Variants in IL1RAPL2 observed in about 807,000 individuals in gnomAD.
IL1RAPL2 encodes the protein interleukin 1 receptor accessory protein like 2, also known as X-linked interleukin-1 receptor accessory protein-like 2.
In IL1RAPL2, 3 loss-of-function variants were observed where a neutral mutation model predicts 44.1. The ratio of observed to expected loss-of-function variants is 0.07; its 90% CI spans 0.03 to 0.18. IL1RAPL2 has a LOEUF of 0.18. IL1RAPL2 is among the 10% of genes least tolerant of loss of function. The pLI, the probability that IL1RAPL2 is intolerant of heterozygous loss-of-function variation, is 1.00. For missense variants in IL1RAPL2, 391 were observed against 496.4 expected (o/e 0.79, Z 2.02); for synonymous variants, 181 against 178.8 (o/e 1.01, Z -0.10).
chrX:105,590,733 T>A (rs894264142), intron 6 of IL1RAPL2, among the ~76,000 whole-genome samples: 1 of 111,038 alleles, frequency 9.0e-6, no homozygotes, highest in African/African-American at 3.3e-5. Context: ...GATTAGATTT[T>A]TCATGTGCTA....
At chrX:104,974,966 T>A (rs1464052568) in intron 2 of IL1RAPL2, among the ~76,000 whole-genome samples, 5 of 112,376 alleles carry the variant, frequency 4.4e-5, no homozygotes, top group Non-Finnish European at 9.4e-5. Flanking sequence ...TTCCAGCCGC[T>A]GATCTTGCGA....
intron 2 of IL1RAPL2, among the ~76,000 whole-genome samples, chrX:104,951,402 T>G (rs1250582849): frequency 1.8e-5 from 2 of 112,092 alleles, no homozygotes; most frequent in East Asian, 5.6e-4. Context: ...ACCTAAAATT[T>G]TGAGATTCTA....
At position 105,767,733 on chromosome X, in the gene IL1RAPL2, C is replaced by A; in HGVS notation, c.*72C>A. The A allele has an allele frequency of 2.7e-6, 2 of 739,916 alleles. No individual in the cohort carries two copies. 61.0% of individuals were successfully genotyped at this position (739,916 alleles called of 1,213,427 possible). On this transcript the variant is annotated 3_prime_UTR_variant, in exon 11 of 11. Transcript: ENST00000372582. ...TCTGTTATACCAAGCATAAAGTACA[C>A]CTAATAACGTTGTGTTAAAAAAGTG...
chrX:105,390,974 C>CTTTACA (rs1332584860), intron 5 of IL1RAPL2, among the ~76,000 whole-genome samples: 1 of 111,607 alleles, frequency 9.0e-6, no homozygotes, highest in Admixed American at 9.6e-5. Flanking sequence ...CACAATGATG[C>CTTTACA]TTTACATTAT....
intron 2 of IL1RAPL2, among the ~76,000 whole-genome samples, chrX:104,675,478 T>C (rs1356195311): frequency 7.2e-5 from 8 of 111,597 alleles, no homozygotes; most frequent in African/African-American, 2.6e-4. Flanking sequence ...TTGTTATAAT[T>C]TCTGTTCTTT....
chrX:105,303,912 A>C (rs376001285), intron 5 of IL1RAPL2, among the ~76,000 whole-genome samples: 3 of 112,780 alleles, frequency 2.7e-5, no homozygotes, highest in African/African-American at 9.7e-5. Context: ...TGTCAGTTGC[A>C]CTTGGAAGTA....
intron 6 of IL1RAPL2, among the ~76,000 whole-genome samples, chrX:105,704,818 G>T (rs2038151434): frequency 1.8e-5 from 2 of 109,933 alleles, no homozygotes; most frequent in South Asian, 7.8e-4. Flanking sequence ...CAATTTTAAT[G>T]TTAAAGTTTT....
At chrX:105,442,533 G>A (rs1042554015) in intron 5 of IL1RAPL2, among the ~76,000 whole-genome samples, 8 of 111,922 alleles carry the variant, frequency 7.1e-5, no homozygotes, top group East Asian at 2.8e-4. Flanking sequence ...TTTGTGGCAC[G>A]TTTTTAAAAT....
intron 5 of IL1RAPL2, among the ~76,000 whole-genome samples, chrX:105,392,647 T>A (rs1490528286): frequency 8.9e-6 from 1 of 111,982 alleles, no homozygotes; most frequent in Non-Finnish European, 1.9e-5. Flanking sequence ...AGCCTTATTC[T>A]CTGTAGTCCT....
intron 1 of IL1RAPL2, among the ~76,000 whole-genome samples, chrX:104,655,888 G>A (rs954522221): frequency 3.6e-5 from 4 of 111,217 alleles, no homozygotes; most frequent in African/African-American, 1.3e-4. Flanking sequence ...GCTTCTTCCT[G>A]GTTTAGTCTT....
intron 2 of IL1RAPL2, among the ~76,000 whole-genome samples, chrX:104,843,597 C>T (rs1921966615): frequency 9.0e-6 from 1 of 110,576 alleles, no homozygotes; most frequent in African/African-American, 3.3e-5. Flanking sequence ...AAGCGTAGTA[C>T]TCAGGGCTGG....
At chrX:105,621,966 T>C (rs2037421055) in intron 6 of IL1RAPL2, among the ~76,000 whole-genome samples, 1 of 109,720 alleles carries the variant, frequency 9.1e-6, no homozygotes, top group Admixed American at 9.8e-5. Context: ...TGTGTGTGTG[T>C]GTATATGGGG....
intron 2 of IL1RAPL2, among the ~76,000 whole-genome samples, chrX:104,806,059 C>T (rs1442323681): frequency 8.9e-6 from 1 of 112,040 alleles, no homozygotes; most frequent in East Asian, 2.8e-4. Context: ...GGGATGAGGA[C>T]TAAACATTGG....
intron 5 of IL1RAPL2, among the ~76,000 whole-genome samples, chrX:105,447,795 ATATAT>A (rs1481450349): frequency 6.7e-5 from 6 of 89,251 alleles, no homozygotes; most frequent in Non-Finnish European, 1.0e-4. Context: ...ATATATATAA[ATATAT>A]TATACATATA....
At chrX:104,638,534 A>C (rs1375642579) in intron 1 of IL1RAPL2, among the ~76,000 whole-genome samples, 1 of 111,934 alleles carries the variant, frequency 8.9e-6, no homozygotes, top group Non-Finnish European at 1.9e-5. Context: ...GCTGTATCCC[A>C]CAAGTTTTAG....
intron 5 of IL1RAPL2, among the ~76,000 whole-genome samples, chrX:105,447,088 T>TATATATATAA (rs2035961648): frequency 3.6e-5 from 2 of 55,813 alleles, no homozygotes; most frequent in African/African-American, 2.4e-4. Context: ...TATATATATA[T>TATATATATAA]ATATATATAT....
intron 2 of IL1RAPL2, among the ~76,000 whole-genome samples, chrX:104,891,645 G>T (rs1923443499): frequency 8.9e-6 from 1 of 112,192 alleles, no homozygotes; most frequent in African/African-American, 3.2e-5. Context: ...CATTGATTTT[G>T]TATCCTGAGA....
intron 5 of IL1RAPL2, among the ~76,000 whole-genome samples, chrX:105,352,445 G>A (rs762550215): frequency 1.3e-4 from 14 of 111,795 alleles, no homozygotes; most frequent in East Asian, 8.4e-4. Context: ...ATGCATTTGC[G>A]TCTCTATTAT....
At chrX:104,659,936 A>C (rs1391178029) in intron 2 of IL1RAPL2, among the ~76,000 whole-genome samples, 1 of 111,971 alleles carries the variant, frequency 8.9e-6, no homozygotes, top group Non-Finnish European at 1.9e-5. Context: ...AAGAATACTT[A>C]CTAATTGAAA....
Sources: gnomAD v4.1 joint callset for allele counts (sites outside exome capture counted in the v4.1 genomes callset) on GRCh38, gnomAD v4.1.1 for gene constraint, MANE v1.5 for transcripts, NCBI Gene and HGNC (gene_info 2026-07-23, HGNC 2026-07-21) for gene names.